The following TMEM132C variants were observed in gnomAD, a reference collection of about 807,000 sequenced individuals.
TMEM132C encodes the protein protein phosphatase 1, regulatory subunit 152.
TMEM132C carries 29 observed loss-of-function variants against 61.4 expected under a neutral mutation model. The observed-to-expected ratio is 0.47, with a 90% confidence interval of 0.35 to 0.64. The LOEUF is 0.64. Among genes scored for constraint, TMEM132C ranks in the 30% least tolerant of loss-of-function variants. The pLI is 0.00. For missense variants in TMEM132C, 1,408 were observed against 1,476.9 expected (o/e 0.95, Z 0.76); for synonymous variants, 656 against 633.1 (o/e 1.04, Z -0.54).
In TMEM132C at chr12:128,352,479, G is replaced by A. The variant is rs199627392; in HGVS notation, c.86-62253G>A. 5.9e-5 allele frequency among the ~76,000 whole-genome samples: 9 copies of A among 152,252 alleles called. No individual in the cohort carries two copies. In the East Asian group the frequency reaches 1.7e-3, roughly 29 times the overall value. On this transcript the variant is annotated intron_variant, in intron 1 of 8. Transcript: ENST00000435159. ...ACAATTCAAGATGAGATTTGGGTGGGAACACAACCAAATCATCTCACTTAG... is the reference window on the plus strand; with the variant it reads ...ACAATTCAAGATGAGATTTGGGTGGAAACACAACCAAATCATCTCACTTAG...
intron 1 of TMEM132C, among the ~76,000 whole-genome samples, chr12:128,332,889 C>G (rs1454074208): frequency 2.0e-5 from 3 of 152,156 alleles, no homozygotes; most frequent in Non-Finnish European, 4.4e-5. Flanking sequence ...GCCTAGTGGC[C>G]CTGTAGAGAC....
chr12:128,610,471 T>C (rs1593119452), intron 3 of TMEM132C, among the ~76,000 whole-genome samples: 2 of 152,224 alleles, frequency 1.3e-5, no homozygotes, highest in East Asian at 3.8e-4. Context: ...GAGAATTCAT[T>C]TGCTTTTGAG....
At chr12:128,406,170 C>T (rs1393594494) in intron 1 of TMEM132C, among the ~76,000 whole-genome samples, 1 of 152,222 alleles carries the variant, frequency 6.6e-6, no homozygotes, top group Non-Finnish European at 1.5e-5. Context: ...CCAATTCTTC[C>T]TACCACACGT....
chr12:128,537,675 G>C (rs1873582703), intron 2 of TMEM132C, among the ~76,000 whole-genome samples: 1 of 152,166 alleles, frequency 6.6e-6, no homozygotes, highest in Non-Finnish European at 1.5e-5. Flanking sequence ...ACATGAAGGA[G>C]CTCCTCTGTG....
intron 2 of TMEM132C, among the ~76,000 whole-genome samples, chr12:128,524,026 A>G (rs1367019480): frequency 6.6e-6 from 1 of 150,480 alleles, no homozygotes. Flanking sequence ...AAAAAAAAAA[A>G]AAAAAAAAAA....
intron 3 of TMEM132C, among the ~76,000 whole-genome samples, chr12:128,603,760 T>G (rs781607441): frequency 6.6e-6 from 1 of 152,110 alleles, no homozygotes; most frequent in Non-Finnish European, 1.5e-5. Context: ...TAGTCACCAG[T>G]AAGGAAAACT....
At chr12:128,598,035 G>C (rs1054211425) in intron 3 of TMEM132C, among the ~76,000 whole-genome samples, 1 of 152,320 alleles carries the variant, frequency 6.6e-6, no homozygotes, top group East Asian at 1.9e-4. Flanking sequence ...CCCAGAGCAC[G>C]TCCTCCTAAC....
intron 1 of TMEM132C, among the ~76,000 whole-genome samples, chr12:128,387,539 C>T (rs776968524): frequency 6.6e-6 from 1 of 152,230 alleles, no homozygotes; most frequent in South Asian, 2.1e-4. Context: ...CAGCTGGGCA[C>T]GGTGGCTCAC....
In TMEM132C at chr12:128,466,091, A is replaced by G. The variant is rs187908157; in HGVS notation, c.974+50471A>G. On this transcript the variant is annotated intron_variant, in intron 2 of 8. Coordinates refer to ENST00000435159, the MANE Select transcript of TMEM132C (RefSeq NM_001136103.3). The stretch of plus-strand genomic sequence containing the variant: ...ATATCTAAGTTTTAAATAAAGACAG[A>G]ACAGGGTGGGGAGGTGGAAGTCAAA... Among the ~76,000 whole-genome samples, 75 of 152,326 alleles carry G rather than the reference A, an allele frequency of 4.9e-4. 2 individuals are homozygous for G. The highest frequency in any genetic ancestry group is 1.7e-3 in the African/African-American group (72 of 41,584).
intron 2 of TMEM132C, among the ~76,000 whole-genome samples, chr12:128,520,001 A>T (rs1436649547): frequency 6.6e-6 from 1 of 152,242 alleles, no homozygotes; most frequent in Admixed American, 6.5e-5. Context: ...TCTGTTTATG[A>T]TTAAATCTCT....
intron 2 of TMEM132C, among the ~76,000 whole-genome samples, chr12:128,453,482 C>T (rs79209993): frequency 0.068 from 10,294 of 152,108 alleles, 429 homozygotes; most frequent in Middle Eastern, 0.11. Context: ...CATGGCCGCA[C>T]GGTGTTCCAG....
chr12:128,589,240 G>A (rs1261369952), intron 3 of TMEM132C, among the ~76,000 whole-genome samples: 5 of 151,548 alleles, frequency 3.3e-5, no homozygotes, highest in Admixed American at 6.5e-5. Context: ...AGTGCAGAAC[G>A]TGAGGCCCCT....
At chr12:128,422,697 T>G (rs1869030438) in intron 2 of TMEM132C, among the ~76,000 whole-genome samples, 1 of 152,168 alleles carries the variant, frequency 6.6e-6, no homozygotes, top group Non-Finnish European at 1.5e-5. Flanking sequence ...CTCAATATCA[T>G]CAGCGTTTGG....
At position 128,316,615 on chromosome 12, in the gene TMEM132C, A is replaced by G. The variant is rs560037361; in HGVS notation, c.85+49128A>G. Among the ~76,000 whole-genome samples the G allele has an allele frequency of 3.0e-4, 46 of 152,316 alleles. No individual in the cohort carries two copies. In the South Asian group the frequency reaches 7.7e-3, roughly 25 times the overall value. On this transcript the variant is annotated intron_variant, in intron 1 of 8. Transcript: ENST00000435159. ...GTGTCACAGACATGCAAAGACCACA[A>G]TACAACTTAAAATTACGCCTATTCA...
At chr12:128,439,660 C>G (rs919580531) in intron 2 of TMEM132C, among the ~76,000 whole-genome samples, 2 of 152,142 alleles carry the variant, frequency 1.3e-5, no homozygotes, top group African/African-American at 2.4e-5. Flanking sequence ...CAGCTTTCAG[C>G]ACACCCTACA....
At chr12:128,273,959 C>T (rs1285956120) in intron 1 of TMEM132C, among the ~76,000 whole-genome samples, 3 of 152,158 alleles carry the variant, frequency 2.0e-5, no homozygotes, top group Non-Finnish European at 2.9e-5. Context: ...GCTTTTGTTT[C>T]TAAATGGGTA....
chr12:128,558,178 T>G (rs529452674), intron 3 of TMEM132C, among the ~76,000 whole-genome samples: 4 of 152,328 alleles, frequency 2.6e-5, no homozygotes, highest in Non-Finnish European at 5.9e-5. Flanking sequence ...TCCTGACATT[T>G]TTTACACAGT....
intron 2 of TMEM132C, among the ~76,000 whole-genome samples, chr12:128,509,965 C>T (rs1339167859): frequency 6.6e-6 from 1 of 152,150 alleles, no homozygotes; most frequent in Non-Finnish European, 1.5e-5. Flanking sequence ...ACTTTATCAT[C>T]ATACCTTGGT....
intron 3 of TMEM132C, among the ~76,000 whole-genome samples, chr12:128,551,427 C>T (rs1457488441): frequency 6.6e-6 from 1 of 152,172 alleles, no homozygotes; most frequent in African/African-American, 2.4e-5. Context: ...ATACACACAC[C>T]AGACCGCGTG....
Sources: gnomAD v4.1 joint callset for allele counts (sites outside exome capture counted in the v4.1 genomes callset) on GRCh38, gnomAD v4.1.1 for gene constraint, MANE v1.5 for transcripts, NCBI Gene and HGNC (gene_info 2026-07-23, HGNC 2026-07-21) for gene names.